FER: variants seen among roughly 807,000 people sequenced by gnomAD.
FER encodes the protein FER tyrosine kinase, also known as tyrosine-protein kinase Fer.
A neutral mutation model predicts 111.0 loss-of-function variants in FER; 63 were observed. The observed-to-expected ratio is 0.57, with a 90% CI of 0.46 to 0.70. The LOEUF (loss-of-function observed/expected upper bound fraction) is 0.70, where lower values mean the gene tolerates loss of function less well. FER is among the 30% of genes least tolerant of loss of function. The pLI, the probability that FER is intolerant of heterozygous loss-of-function variation, is 0.00. For missense variants in FER, 914 were observed against 954.0 expected, an observed-to-expected ratio of 0.96 and a Z score of 0.55; for synonymous variants, 327 against 313.9, an observed-to-expected ratio of 1.04 and a Z score of -0.44.
chr5:108,896,695 A>G (rs558330895), intron 9 of FER, among the ~76,000 whole-genome samples: 1 of 152,328 alleles, frequency 6.6e-6, no homozygotes, highest in South Asian at 2.1e-4. Context: ...CATCATATAT[A>G]TAAATAAATC....
chr5:108,871,537 A>G, intron 7 of FER, 35 bp downstream of exon 7: 1 of 1,507,866 alleles, frequency 6.6e-7, no homozygotes, highest in Non-Finnish European at 9.0e-7. Context: ...AGGATTTATG[A>G]CAGTATTATT....
chr5:108,913,073 T>C (rs1215908918), intron 10 of FER, among the ~76,000 whole-genome samples: 1 of 152,136 alleles, frequency 6.6e-6, no homozygotes, highest in Non-Finnish European at 1.5e-5. Flanking sequence ...AATACCTCAG[T>C]AAATGAAAGG....
At chr5:108,961,262 A>C (rs1415268105) in intron 13 of FER, among the ~76,000 whole-genome samples, 3 of 152,210 alleles carry the variant, frequency 2.0e-5, no homozygotes, top group Non-Finnish European at 4.4e-5. Context: ...AAGTCAACCA[A>C]ATGTTTGCAT....
intron 16 of FER, among the ~76,000 whole-genome samples, chr5:109,093,845 G>A (rs1747134049): frequency 6.6e-6 from 1 of 152,014 alleles, no homozygotes; most frequent in Non-Finnish European, 1.5e-5. Flanking sequence ...TACCATTGTA[G>A]CATTTAAGTA....
intron 9 of FER, among the ~76,000 whole-genome samples, chr5:108,891,835 C>A (rs1748116494): frequency 6.6e-6 from 1 of 151,958 alleles, no homozygotes; most frequent in Admixed American, 6.6e-5. Context: ...CAACAACAGG[C>A]CCCGGTGTGT....
chr5:108,813,215 A>G (rs984794995), intron 3 of FER, among the ~76,000 whole-genome samples: 2 of 152,132 alleles, frequency 1.3e-5, no homozygotes, highest in Middle Eastern at 3.2e-3. Context: ...ATTTCTTTAC[A>G]TATTTTAAAG....
chr5:108,764,398 T>A (rs907665507), intron 1 of FER, among the ~76,000 whole-genome samples: 2 of 151,986 alleles, frequency 1.3e-5, no homozygotes, highest in African/African-American at 4.8e-5. Context: ...AATTTTATTA[T>A]TTATTTATTT....
intron 13 of FER, among the ~76,000 whole-genome samples, chr5:109,005,626 G>C (rs746694086): frequency 6.6e-6 from 1 of 152,150 alleles, no homozygotes; most frequent in Non-Finnish European, 1.5e-5. Context: ...AAGAATTCTG[G>C]TTTAGACAGA....
At chr5:109,020,422 A>G (rs564983243) in intron 13 of FER, among the ~76,000 whole-genome samples, 14 of 152,092 alleles carry the variant, frequency 9.2e-5, no homozygotes, top group Admixed American at 8.5e-4. Flanking sequence ...CTAAAACTCA[A>G]CTTAGAACTG....
chr5:108,767,476 T>C (rs1752449519), intron 1 of FER, among the ~76,000 whole-genome samples: 1 of 152,226 alleles, frequency 6.6e-6, no homozygotes, highest in South Asian at 2.1e-4. Flanking sequence ...TGGCTTCTTC[T>C]GATGGCCTTT....
chr5:109,183,214 A>G (rs564435599), intron 18 of FER, among the ~76,000 whole-genome samples: 3 of 150,136 alleles, frequency 2.0e-5, no homozygotes, highest in East Asian at 2.0e-4. Context: ...CCCACAGACT[A>G]CAGTTACTGA....
At chr5:109,110,897 T>C (rs1749531721) in intron 17 of FER, among the ~76,000 whole-genome samples, 1 of 152,182 alleles carries the variant, frequency 6.6e-6, no homozygotes, top group South Asian at 2.1e-4. Flanking sequence ...TACTATATGC[T>C]GACTGCTGTG....
At chr5:108,844,012 A>G (rs929107441) in intron 5 of FER, among the ~76,000 whole-genome samples, 13 of 149,328 alleles carry the variant, frequency 8.7e-5, no homozygotes, top group South Asian at 8.5e-4. Context: ...GTATATATAT[A>G]TGTGTGTGAA....
intron 3 of FER, 58 bp from the exon 4 acceptor site, chr5:108,832,712 C>T (rs1760169552): frequency 7.9e-7 from 1 of 1,268,890 alleles, no homozygotes; most frequent in East Asian, 2.7e-5. Flanking sequence ...ACTCTTAAAG[C>T]ACAGCTAAAT....
At chr5:108,805,968 CA>C (rs1201190487) in intron 3 of FER, among the ~76,000 whole-genome samples, 1 of 152,164 alleles carries the variant, frequency 6.6e-6, no homozygotes, top group Non-Finnish European at 1.5e-5. Flanking sequence ...AAGACAATGG[CA>C]AAAATGTCTC....
chr5:109,160,987 C>A (rs898982998), intron 17 of FER, among the ~76,000 whole-genome samples: 1 of 152,044 alleles, frequency 6.6e-6, no homozygotes, highest in African/African-American at 2.4e-5. Context: ...GCATAATGAC[C>A]TTTTTTCAAA....
chr5:108,767,763 T>C (rs940173162), intron 1 of FER, among the ~76,000 whole-genome samples: 3 of 152,346 alleles, frequency 2.0e-5, no homozygotes, highest in African/African-American at 7.2e-5. Context: ...ATTACAGGTG[T>C]GAGCCACTGT....
intron 13 of FER, among the ~76,000 whole-genome samples, chr5:109,014,049 G>A (rs564403917): frequency 0.036 from 5,411 of 150,646 alleles, 307 homozygotes; most frequent in African/African-American, 0.13. Flanking sequence ...TCACTCTGAT[G>A]GTAGTTTCTT....
intron 17 of FER, among the ~76,000 whole-genome samples, chr5:109,131,461 T>C (rs947782800): frequency 6.6e-6 from 1 of 152,130 alleles, no homozygotes; most frequent in Non-Finnish European, 1.5e-5. Flanking sequence ...TTGGTTAATA[T>C]TAATCATATA....
Sources: gnomAD v4.1 joint callset for allele counts (sites outside exome capture counted in the v4.1 genomes callset) on GRCh38, gnomAD v4.1.1 for gene constraint, MANE v1.5 for transcripts, NCBI Gene and HGNC (gene_info 2026-07-23, HGNC 2026-07-21) for gene names.